Variants in ZNF385B observed in about 807,000 individuals in gnomAD.
The protein encoded by ZNF385B is zinc finger protein 533.
A neutral mutation model predicts 39.2 loss-of-function variants in ZNF385B; 23 were observed. The observed-to-expected ratio is 0.59, with a 90% CI of 0.42 to 0.83. ZNF385B has a LOEUF of 0.83. ZNF385B is among the 40% of genes least tolerant of loss of function. ZNF385B has a pLI of 0.00. For synonymous variants in ZNF385B, 205 were observed against 222.6 expected (o/e 0.92, Z 0.70); for missense variants, 552 against 598.9 (o/e 0.92, Z 0.82).
At chr2:179,746,871 A>G (rs1294591365) in intron 3 of ZNF385B, among the ~76,000 whole-genome samples, 6 of 152,188 alleles carry the variant, frequency 3.9e-5, no homozygotes, top group African/African-American at 1.2e-4. Context: ...ATCACAAAAT[A>G]TACAGATTTG....
intron 3 of ZNF385B, among the ~76,000 whole-genome samples, chr2:179,654,702 T>A (rs7569504): frequency 0.13 from 19,165 of 152,138 alleles, 1,848 homozygotes; most frequent in African/African-American, 0.26. Flanking sequence ...TGGGAGGTTC[T>A]CAAAGGAGCT....
rs1199338667 is a variant in ZNF385B at position 179,861,272 on chromosome 2, C to CGGT, written c.-329_-327dup. The stretch of plus-strand genomic sequence containing the variant: ...GTGGCGGTGGCGGTAGCAGCGGCGG[C>CGGT]GGTGGAGGTGGCGCGGGCGACAGCT... On this transcript the variant is annotated 5_prime_UTR_variant, in exon 1 of 10. Transcript: ENST00000410066. 4 of 159,540 alleles carry CGGT rather than the reference C, an allele frequency of 2.5e-5. No homozygotes were observed. The highest frequency in any genetic ancestry group is 4.1e-5 in the Non-Finnish European group (3 of 73,972). The allele number at this position is 159,540 out of a possible 1,614,324, so 9.9% of individuals were successfully genotyped here. A position where few individuals can be genotyped will look rare whatever the true frequency, so the allele number is the denominator to read the frequency against.
chr2:179,732,398 T>C (rs888454708), intron 3 of ZNF385B, among the ~76,000 whole-genome samples: 1 of 152,212 alleles, frequency 6.6e-6, no homozygotes, highest in Non-Finnish European at 1.5e-5. Context: ...AGGGTATGTA[T>C]GACTTGGTGA....
intron 1 of ZNF385B, among the ~76,000 whole-genome samples, chr2:179,805,781 C>T (rs1706312280): frequency 6.6e-6 from 1 of 152,154 alleles, no homozygotes; most frequent in African/African-American, 2.4e-5. Flanking sequence ...TGTTCCTCCT[C>T]CTTCTGCTAT....
intron 3 of ZNF385B, among the ~76,000 whole-genome samples, chr2:179,762,205 T>G (rs1357879108): frequency 6.6e-6 from 1 of 152,118 alleles, no homozygotes; most frequent in East Asian, 1.9e-4. Context: ...GTTTTGGTTT[T>G]TAGAGATGGA....
At chr2:179,808,926 T>A (rs1487586743) in intron 1 of ZNF385B, among the ~76,000 whole-genome samples, 1 of 152,194 alleles carries the variant, frequency 6.6e-6, no homozygotes, top group South Asian at 2.1e-4. Flanking sequence ...TGGAAAAATA[T>A]GCCATAGGAC....
chr2:179,819,304 G>A (rs1479129856), intron 1 of ZNF385B, among the ~76,000 whole-genome samples: 1 of 152,074 alleles, frequency 6.6e-6, no homozygotes, highest in Non-Finnish European at 1.5e-5. Flanking sequence ...CCAAGGACAG[G>A]TGGGTGGCTC....
intron 4 of ZNF385B, among the ~76,000 whole-genome samples, chr2:179,528,595 G>C (rs2059069076): frequency 6.6e-6 from 1 of 152,204 alleles, no homozygotes; most frequent in African/African-American, 2.4e-5. Flanking sequence ...AAAAGCAAAT[G>C]AACTGGTGAT....
At chr2:179,632,931 G>A (rs1691376659) in intron 3 of ZNF385B, among the ~76,000 whole-genome samples, 1 of 152,186 alleles carries the variant, frequency 6.6e-6, no homozygotes, top group South Asian at 2.1e-4. Flanking sequence ...ACACCTATAT[G>A]CAAATAAACT....
intron 5 of ZNF385B, among the ~76,000 whole-genome samples, chr2:179,514,588 G>A (rs1380456561): frequency 1.3e-5 from 2 of 152,136 alleles, no homozygotes; most frequent in Non-Finnish European, 2.9e-5. Flanking sequence ...AGGCAAAGAA[G>A]AGTGTCAATA....
intron 3 of ZNF385B, among the ~76,000 whole-genome samples, chr2:179,602,870 C>A (rs1688516694): frequency 6.6e-6 from 1 of 152,128 alleles, no homozygotes; most frequent in Admixed American, 6.5e-5. Context: ...ATGTCTTAAG[C>A]AATAACTCAT....
chr2:179,838,580 T>C lies in ZNF385B; in HGVS notation c.-155+22521A>G, dbSNP rs535098019. On this transcript the variant is annotated intron_variant, in intron 1 of 9. Coordinates refer to ENST00000410066, the MANE Select transcript of ZNF385B (RefSeq NM_152520.6). ...CTGCAACTCCAAAGGAAATGCTTGC[T>C]ATGTTGCCATTTCCAAAACAAGATT... is the stretch of plus-strand genomic sequence containing the variant. Among the ~76,000 whole-genome samples, 5 of 152,312 alleles carry C rather than the reference T, an allele frequency of 3.3e-5. No homozygotes were observed. In the South Asian group the frequency reaches 8.3e-4, roughly 25 times the overall value.
chr2:179,723,650 T>A (rs2106410543), intron 3 of ZNF385B, among the ~76,000 whole-genome samples: 1 of 152,170 alleles, frequency 6.6e-6, no homozygotes. Context: ...AGCAAGAGAA[T>A]AATTAACACA....
rs547219277 is a variant in ZNF385B, at chr2:179,655,922, G to C, written c.299-110953C>G. Among the ~76,000 whole-genome samples the C allele has an allele frequency of 3.0e-4, 45 of 152,192 alleles. 2 individuals carry two copies. In the South Asian group the frequency reaches 9.2e-3, roughly 31 times the overall value. On this transcript the variant is annotated intron_variant, in intron 3 of 9. Coordinates refer to ENST00000410066, the MANE Select transcript of ZNF385B (RefSeq NM_152520.6). The stretch of plus-strand genomic sequence containing the variant: ...GTGCAATGTAGTATTTAAAGAAAAG[G>C]TATTTCAATAGAATAGCCCAGACAA...
chr2:179,764,072 G>A (rs1158219153), intron 3 of ZNF385B, among the ~76,000 whole-genome samples: 1 of 152,066 alleles, frequency 6.6e-6, no homozygotes, highest in Non-Finnish European at 1.5e-5. Flanking sequence ...AACTGCAATT[G>A]TAAATTTATC....
chr2:179,765,970 G>T (rs1703665183), intron 3 of ZNF385B, among the ~76,000 whole-genome samples: 1 of 150,736 alleles, frequency 6.6e-6, no homozygotes, highest in South Asian at 2.1e-4. Flanking sequence ...GGGAGACACT[G>T]CTGGGAAAAG....
chr2:179,852,414 T>C (rs889729534), intron 1 of ZNF385B, among the ~76,000 whole-genome samples: 1 of 152,178 alleles, frequency 6.6e-6, no homozygotes, highest in African/African-American at 2.4e-5. Context: ...GGTGAAACTC[T>C]ATGTAGTCAT....
intron 3 of ZNF385B, among the ~76,000 whole-genome samples, chr2:179,763,831 T>C (rs1191442332): frequency 1.3e-5 from 2 of 152,208 alleles, no homozygotes; most frequent in African/African-American, 4.8e-5. Flanking sequence ...GAGAAAATAT[T>C]GTATATGATT....
At chr2:179,494,769 A>G (rs1306712860) in intron 5 of ZNF385B, among the ~76,000 whole-genome samples, 2 of 152,120 alleles carry the variant, frequency 1.3e-5, no homozygotes, top group African/African-American at 4.8e-5. Flanking sequence ...GTATACATAT[A>G]TGTGTATTTT....
Sources: gnomAD v4.1 joint callset for allele counts (sites outside exome capture counted in the v4.1 genomes callset) on GRCh38, gnomAD v4.1.1 for gene constraint, MANE v1.5 for transcripts, NCBI Gene and HGNC (gene_info 2026-07-23, HGNC 2026-07-21) for gene names.